JAZF1: variants seen among roughly 807,000 people sequenced by gnomAD.
The protein encoded by JAZF1 is juxtaposed with another zinc finger protein 1.
A neutral mutation model predicts 26.4 loss-of-function variants in JAZF1; 8 were observed. The observed-to-expected ratio is 0.30, with a 90% confidence interval of 0.18 to 0.55. The LOEUF is 0.55. Ranked by LOEUF, JAZF1 falls within the 20% of genes least tolerant of loss-of-function variation. The pLI is 0.94. For synonymous variants in JAZF1, 126 were observed against 122.3 expected (o/e 1.03, Z -0.20); for missense variants, 199 against 322.0 (o/e 0.62, Z 2.92).
chr7:28,102,401 C>T (rs1029284855), intron 1 of JAZF1, among the ~76,000 whole-genome samples: 3 of 152,184 alleles, frequency 2.0e-5, no homozygotes, highest in Admixed American at 6.5e-5. Context: ...TGAATAGAAA[C>T]GATTCCCATA....
rs531150419 is a variant in JAZF1, at chr7:27,973,314, A to G, written c.188+18595T>C. 7.2e-5 allele frequency among the ~76,000 whole-genome samples: 11 copies of G among 151,946 alleles called. No individual in the cohort carries two copies. In the South Asian group the frequency reaches 2.1e-3, roughly 29 times the overall value. On this transcript the variant is annotated intron_variant, in intron 2 of 4. Coordinates refer to ENST00000283928, the MANE Select transcript of JAZF1 (RefSeq NM_175061.4). ...TGTGTGTGTATATATATTTATTTTTATTATTTTCTGAGACAGGGTCTCACT... is the reference window on the plus strand; with the variant it reads ...TGTGTGTGTATATATATTTATTTTTGTTATTTTCTGAGACAGGGTCTCACT...
intron 2 of JAZF1, among the ~76,000 whole-genome samples, chr7:27,943,455 G>C (rs1039652502): frequency 2.0e-5 from 3 of 152,154 alleles, no homozygotes; most frequent in African/African-American, 7.2e-5. Context: ...GACTGATCCG[G>C]GGAGATGTGA....
At chr7:28,005,387 A>G (rs1378588476) in intron 1 of JAZF1, among the ~76,000 whole-genome samples, 5 of 151,652 alleles carry the variant, frequency 3.3e-5, no homozygotes, top group Admixed American at 6.6e-5. Context: ...GTTACTTCCT[A>G]TCTCCCAGGG....
intron 1 of JAZF1, among the ~76,000 whole-genome samples, chr7:28,048,936 A>T (rs1156491172): frequency 1.3e-5 from 2 of 152,126 alleles, no homozygotes; most frequent in Admixed American, 1.3e-4. Context: ...TTTATACGAA[A>T]TGTCCAGAAG....
intron 1 of JAZF1, among the ~76,000 whole-genome samples, chr7:28,159,651 G>T (rs937934438): frequency 6.6e-6 from 1 of 152,124 alleles, no homozygotes; most frequent in African/African-American, 2.4e-5. Context: ...GGGTGGTGGA[G>T]AAAGTAGAGG....
At chr7:28,113,870 C>T (rs557403707) in intron 1 of JAZF1, among the ~76,000 whole-genome samples, 75 of 152,206 alleles carry the variant, frequency 4.9e-4, no homozygotes, top group African/African-American at 1.6e-3. Context: ...TGAAAATATC[C>T]GGATCTCTAT....
intron 3 of JAZF1, chr7:27,842,819 G>C (rs1233598903): frequency 8.6e-5 from 13 of 151,944 alleles, no homozygotes; most frequent in Admixed American, 8.5e-4. Context: ...CAGAAAGTTA[G>C]AAAGACTAAT....
intron 1 of JAZF1, among the ~76,000 whole-genome samples, chr7:28,102,499 A>G (rs1307578709): frequency 6.6e-6 from 1 of 152,178 alleles, no homozygotes; most frequent in East Asian, 1.9e-4. Flanking sequence ...CATATCATAA[A>G]TATCCAGGCA....
chr7:28,144,546 G>T (rs545655902), intron 1 of JAZF1, among the ~76,000 whole-genome samples: 6 of 152,382 alleles, frequency 3.9e-5, no homozygotes, highest in African/African-American at 1.4e-4. Context: ...GTCACCAGGA[G>T]GCTGGGGCTC....
intron 2 of JAZF1, among the ~76,000 whole-genome samples, chr7:27,947,270 C>T (rs1289767624): frequency 1.3e-5 from 2 of 152,222 alleles, no homozygotes; most frequent in East Asian, 3.8e-4. Context: ...CTCATAATGT[C>T]ATGTTTGCAA....
intron 3 of JAZF1, among the ~76,000 whole-genome samples, chr7:27,889,623 TAAATA>T (rs1055514093): frequency 4.6e-5 from 7 of 152,168 alleles, no homozygotes; most frequent in Admixed American, 6.5e-5. Flanking sequence ...TAACTTCTCT[TAAATA>T]AAAGATAAAA....
chr7:27,867,011 T>C (rs1783484503), intron 3 of JAZF1, among the ~76,000 whole-genome samples: 1 of 152,052 alleles, frequency 6.6e-6, no homozygotes. Context: ...GCAGTGAGAG[T>C]GAGTACTGTC....
At chr7:28,096,938 A>G (rs1462640837) in intron 1 of JAZF1, among the ~76,000 whole-genome samples, 1 of 152,246 alleles carries the variant, frequency 6.6e-6, no homozygotes, top group Non-Finnish European at 1.5e-5. Context: ...CAGGTTGTGG[A>G]AAATATTACC....
intron 1 of JAZF1, among the ~76,000 whole-genome samples, chr7:28,087,203 C>A (rs1784224895): frequency 6.6e-6 from 1 of 152,100 alleles, no homozygotes; most frequent in Non-Finnish European, 1.5e-5. Flanking sequence ...AGGACCAACA[C>A]CATCCTTAAA....
At chr7:28,079,949 T>C (rs1415536529) in intron 1 of JAZF1, among the ~76,000 whole-genome samples, 1 of 152,244 alleles carries the variant, frequency 6.6e-6, no homozygotes, top group Non-Finnish European at 1.5e-5. Flanking sequence ...CACTAATTTT[T>C]TGATTTCCCA....
At chr7:27,976,119 C>A (rs1281497195) in intron 2 of JAZF1, among the ~76,000 whole-genome samples, 1 of 151,990 alleles carries the variant, frequency 6.6e-6, no homozygotes, top group Non-Finnish European at 1.5e-5. Flanking sequence ...CCAAGGCGGG[C>A]GGATCACGAG....
chr7:27,895,773 A>C (rs1406432837), intron 2 of JAZF1, among the ~76,000 whole-genome samples: 1 of 152,040 alleles, frequency 6.6e-6, no homozygotes, highest in Non-Finnish European at 1.5e-5. Context: ...CACATCCTCA[A>C]AGTTCCCCAA....
intron 1 of JAZF1, among the ~76,000 whole-genome samples, chr7:28,162,145 G>A (rs534569748): frequency 2.6e-5 from 4 of 152,172 alleles, no homozygotes; most frequent in Non-Finnish European, 5.9e-5. Context: ...TCCAAGGCAG[G>A]AACTTGCTAA....
intron 1 of JAZF1, among the ~76,000 whole-genome samples, chr7:28,167,562 G>T (rs1010813213): frequency 6.6e-6 from 1 of 152,148 alleles, no homozygotes; most frequent in Non-Finnish European, 1.5e-5. Context: ...AATTTTCATC[G>T]ACAGAATTAG....
Sources: gnomAD v4.1 joint callset for allele counts (sites outside exome capture counted in the v4.1 genomes callset) on GRCh38, gnomAD v4.1.1 for gene constraint, MANE v1.5 for transcripts, NCBI Gene and HGNC (gene_info 2026-07-23, HGNC 2026-07-21) for gene names.